Variants in NRG1 observed in about 807,000 individuals in gnomAD.
NRG1 encodes pro-neuregulin-1, membrane-bound isoform.
In NRG1, 18 loss-of-function variants were observed where a neutral mutation model predicts 63.8. That is an observed-to-expected ratio of 0.28 (90% CI 0.19 to 0.42). The LOEUF (loss-of-function observed/expected upper bound fraction) is 0.42, where lower values mean the gene tolerates loss of function less well. Among genes scored for constraint, NRG1 ranks in the 10% least tolerant of loss-of-function variants. The pLI is 1.00. For synonymous variants in NRG1, 302 were observed against 301.3 expected, an observed-to-expected ratio of 1.00 and a Z score of -0.02; for missense variants, 762 against 814.7, an observed-to-expected ratio of 0.94 and a Z score of 0.79.
At chr8:32,052,870 TC>T (rs768182067) in intron 1 of NRG1, among the ~76,000 whole-genome samples, 1 of 152,160 alleles carries the variant, frequency 6.6e-6, no homozygotes, top group Non-Finnish European at 1.5e-5. Context: ...CCAGGGTTCT[TC>T]CTACATGTTT....
chr8:31,856,374 C>T (rs369635942), intron 1 of NRG1, among the ~76,000 whole-genome samples: 3 of 152,134 alleles, frequency 2.0e-5, no homozygotes, highest in Admixed American at 6.6e-5. Context: ...CATCTTCCAT[C>T]GCTGATACCC....
intron 1 of NRG1, among the ~76,000 whole-genome samples, chr8:32,562,888 T>C (rs1323398205): frequency 6.6e-6 from 1 of 152,156 alleles, no homozygotes; most frequent in Non-Finnish European, 1.5e-5. Flanking sequence ...GTCTAATAAT[T>C]AGCAAGGTTG....
chr8:31,670,942 T>C (rs555565730), intron 1 of NRG1, among the ~76,000 whole-genome samples: 70 of 152,318 alleles, frequency 4.6e-4, no homozygotes, highest in African/African-American at 1.5e-3. Context: ...ACTTTTTCAG[T>C]TCTCACCCTT....
chr8:31,957,410 T>C (rs1804640028), intron 1 of NRG1, among the ~76,000 whole-genome samples: 1 of 152,156 alleles, frequency 6.6e-6, no homozygotes, highest in Admixed American at 6.5e-5. Flanking sequence ...TTTCTTTCTA[T>C]TTTTAAGTGG....
At chr8:31,762,275 T>TA (rs1415655894) in intron 1 of NRG1, among the ~76,000 whole-genome samples, 1 of 152,254 alleles carries the variant, frequency 6.6e-6, no homozygotes, top group Non-Finnish European at 1.5e-5. Context: ...AACTCCCACT[T>TA]ACGTGTGAGA....
At chr8:32,419,469 G>A (rs1447990798) in intron 1 of NRG1, among the ~76,000 whole-genome samples, 1 of 152,068 alleles carries the variant, frequency 6.6e-6, no homozygotes, top group East Asian at 1.9e-4. Flanking sequence ...ATCACAAGTG[G>A]CTGGCCTATA....
At chr8:32,674,063 A>G (rs1806413464) in intron 5 of NRG1, among the ~76,000 whole-genome samples, 1 of 152,156 alleles carries the variant, frequency 6.6e-6, no homozygotes, top group Non-Finnish European at 1.5e-5. Flanking sequence ...TTATTTCCAT[A>G]GGAGCATCTA....
At chr8:32,322,746 C>T (rs977175271) in intron 1 of NRG1, among the ~76,000 whole-genome samples, 3 of 152,064 alleles carry the variant, frequency 2.0e-5, no homozygotes, top group East Asian at 1.9e-4. Flanking sequence ...TTAGTTAACA[C>T]ATTTTGGTTC....
At chr8:32,615,347 T>G (rs1367096486) in intron 4 of NRG1, among the ~76,000 whole-genome samples, 1 of 152,154 alleles carries the variant, frequency 6.6e-6, no homozygotes, top group Non-Finnish European at 1.5e-5. Flanking sequence ...TGGAAATTCA[T>G]CTCAGAGGTA....
At chr8:31,959,786 ATTTATTTATTATTTAT>A (rs1209397285) in intron 1 of NRG1, among the ~76,000 whole-genome samples, 4 of 131,712 alleles carry the variant, frequency 3.0e-5, no homozygotes, top group African/African-American at 1.2e-4. Context: ...CCGATTATTT[ATTTATTTATTATTTAT>A]TTATTTATTT....
At position 32,426,913 on chromosome 8, in the gene NRG1, C is replaced by A. The variant is rs377512324; in HGVS notation, c.38-168915C>A. Among the ~76,000 whole-genome samples, 47 of 152,170 alleles carry A rather than the reference C, an allele frequency of 3.1e-4. 1 individual carries two copies. Among genetic ancestry groups the A allele is most frequent in the Admixed American group, 7.9e-4 (12 of 15,276 alleles). On this transcript the variant is annotated intron_variant, in intron 1 of 10. Transcript: ENST00000519301. ...AAAGTTGAGCAAAAGCAAAGGTCAT[C>A]TGTGTTTATATTAACAATGTAAGAG...
chr8:32,395,749 T>A (rs1812361608), intron 1 of NRG1, among the ~76,000 whole-genome samples: 1 of 152,124 alleles, frequency 6.6e-6, no homozygotes, highest in South Asian at 2.1e-4. Context: ...TGAAGTGTAG[T>A]TTATCAAGTT....
At chr8:32,302,558 GACTC>G (rs1343384070) in intron 1 of NRG1, among the ~76,000 whole-genome samples, 4 of 144,126 alleles carry the variant, frequency 2.8e-5, no homozygotes, top group African/African-American at 1.0e-4. Flanking sequence ...TTTGACTATT[GACTC>G]ACTATTTTAT....
chr8:32,055,669 A>T (rs1405797512), intron 1 of NRG1, among the ~76,000 whole-genome samples: 9 of 89,106 alleles, frequency 1.0e-4, no homozygotes, highest in Non-Finnish European at 1.8e-4. Flanking sequence ...ACATATTTTG[A>T]CACTTTTTTT....
chr8:31,875,063 TGGCCATCTAAGTGA>T (rs1024181227), intron 1 of NRG1, among the ~76,000 whole-genome samples: 3 of 152,184 alleles, frequency 2.0e-5, no homozygotes, highest in African/African-American at 7.2e-5. Context: ...ACAAAGAGAG[TGGCCATCTAAGTGA>T]TGCCGTTGAG....
chr8:32,742,851 T>C lies in NRG1; in HGVS notation c.691+118T>C, dbSNP rs1589536915. The C allele has an allele frequency of 5.0e-6, 8 of 1,593,028 alleles. No individual in the cohort carries two copies. The East Asian group carries it at 1.8e-4, about 36-fold the overall frequency. ...AGAGCTAGATGTGTCTTACCAGATCTAATATTGACTGCCTCTGCCTGTCGC... is the reference window on the plus strand; with the variant it reads ...AGAGCTAGATGTGTCTTACCAGATCCAATATTGACTGCCTCTGCCTGTCGC... On this transcript the variant is annotated intron_variant, in intron 7 of 11. Coordinates refer to ENST00000356819, the Ensembl canonical transcript of NRG1. The surrounding 1 kb of genome is among the most constrained non-coding windows in gnomAD (Gnocchi z 4.2).
intron 1 of NRG1, among the ~76,000 whole-genome samples, chr8:32,008,480 T>C (rs1385370095): frequency 6.6e-6 from 1 of 152,068 alleles, no homozygotes; most frequent in Non-Finnish European, 1.5e-5. Context: ...TTAATCTGCC[T>C]AGTTCGGTTT....
intron 1 of NRG1, among the ~76,000 whole-genome samples, chr8:31,807,300 A>G (rs893529884): frequency 6.6e-6 from 1 of 152,212 alleles, no homozygotes; most frequent in Non-Finnish European, 1.5e-5. Flanking sequence ...TATATGAATA[A>G]TATGAGACTT....
chr8:31,838,137 G>T (rs1378825416), intron 1 of NRG1, among the ~76,000 whole-genome samples: 1 of 151,930 alleles, frequency 6.6e-6, no homozygotes, highest in Admixed American at 6.6e-5. Flanking sequence ...GCATAATAAC[G>T]ATTTTAATAT....
Sources: gnomAD v4.1 joint callset for allele counts (sites outside exome capture counted in the v4.1 genomes callset) on GRCh38, gnomAD v4.1.1 for gene constraint, Gnocchi (gnomAD v3.1) non-coding constraint, MANE v1.5 for transcripts, NCBI Gene and HGNC (gene_info 2026-07-23, HGNC 2026-07-21) for gene names.